The following MAP4K3 variants were observed in gnomAD, a reference collection of about 807,000 sequenced individuals.
MAP4K3 encodes the protein MAPK/ERK kinase kinase kinase 3.
A neutral mutation model predicts 143.5 loss-of-function variants in MAP4K3; 94 were observed. The observed-to-expected ratio is 0.65, with a 90% CI of 0.55 to 0.78. MAP4K3 has a LOEUF of 0.78. MAP4K3 is among the 30% of genes least tolerant of loss of function. MAP4K3 has a pLI of 0.00. For missense variants in MAP4K3, 1,077 were observed against 1,068.1 expected, an observed-to-expected ratio of 1.01 and a Z score of -0.12; for synonymous variants, 416 against 347.2, an observed-to-expected ratio of 1.20 and a Z score of -2.20.
At chr2:39,299,717 T>C (rs748168532) in intron 16 of MAP4K3, 26 bp downstream of exon 16, 3 of 1,391,212 alleles carry the variant, frequency 2.2e-6, no homozygotes, top group Non-Finnish European at 2.9e-6. Context: ...TGAATTTAAA[T>C]TAAGTTTTAA....
intron 12 of MAP4K3, among the ~76,000 whole-genome samples, chr2:39,321,434 A>G (rs1160299907): frequency 1.3e-5 from 2 of 152,158 alleles, no homozygotes; most frequent in Admixed American, 1.3e-4. Flanking sequence ...AATCTCAAGT[A>G]CCCAGGGACA....
chr2:39,331,881 GA>G, intron 8 of MAP4K3, 35 bp downstream of exon 8: 1 of 1,333,278 alleles, frequency 7.5e-7, no homozygotes, highest in South Asian at 1.4e-5. Context: ...AATAATGATA[GA>G]ACAAAGTATT....
intron 2 of MAP4K3, 35 bp from the exon 3 acceptor site, chr2:39,356,374 G>A: frequency 8.3e-7 from 1 of 1,204,364 alleles, no homozygotes; most frequent in East Asian, 2.4e-5. Flanking sequence ...AATATTTAGA[G>A]GTAAGTTTCA....
chr2:39,302,083 T>C (rs1327811805), intron 15 of MAP4K3, among the ~76,000 whole-genome samples: 1 of 151,842 alleles, frequency 6.6e-6, no homozygotes, highest in African/African-American at 2.4e-5. Context: ...TTCAGCAGTA[T>C]ATTTAGAAAG....
intron 22 of MAP4K3, among the ~76,000 whole-genome samples, chr2:39,281,565 G>A (rs1000859663): frequency 2.0e-5 from 3 of 151,942 alleles, no homozygotes; most frequent in Admixed American, 6.6e-5. Flanking sequence ...ATGACAAAAC[G>A]AAGAACAAAA....
chr2:39,373,070 A>C (rs1666124675), intron 2 of MAP4K3, among the ~76,000 whole-genome samples: 1 of 152,228 alleles, frequency 6.6e-6, no homozygotes, highest in South Asian at 2.1e-4. Flanking sequence ...AGATTATATA[A>C]GGAGCTCAAA....
At chr2:39,387,346 G>A (rs1044357374) in intron 1 of MAP4K3, among the ~76,000 whole-genome samples, 1 of 152,024 alleles carries the variant, frequency 6.6e-6, no homozygotes, top group Non-Finnish European at 1.5e-5. Flanking sequence ...TTACTATGTG[G>A]AGTCTTCCAA....
rs868866496 is a variant in MAP4K3, at chr2:39,287,972, T to C, written c.1474+149A>G. 36 of 875,080 alleles carry C rather than the reference T, an allele frequency of 4.1e-5. No individual in the cohort carries two copies. In the East Asian group the frequency reaches 8.0e-4, roughly 20 times the overall value. The allele number at this position is 875,080 out of a possible 1,614,324, so 54.2% of individuals were successfully genotyped here. A position where few individuals can be genotyped will look rare whatever the true frequency, so the allele number is the denominator to read the frequency against. On this transcript the variant is annotated intron_variant, in intron 20 of 33. Coordinates refer to ENST00000263881, the MANE Select transcript of MAP4K3 (RefSeq NM_003618.4). ...CTGTCATAAAAACACTTTAAGCTAGTAGGCAAAAAGCAGAAAACATCTCCA... is the reference window on the plus strand; with the variant it reads ...CTGTCATAAAAACACTTTAAGCTAGCAGGCAAAAAGCAGAAAACATCTCCA...
intron 29 of MAP4K3, among the ~76,000 whole-genome samples, chr2:39,260,186 T>A (rs1680510104): frequency 6.6e-6 from 1 of 152,212 alleles, no homozygotes; most frequent in Non-Finnish European, 1.5e-5. Context: ...CGAACATGGC[T>A]CACTGCACCC....
intron 27 of MAP4K3, among the ~76,000 whole-genome samples, chr2:39,265,855 T>C (rs1265069849): frequency 1.3e-5 from 2 of 152,166 alleles, no homozygotes; most frequent in Non-Finnish European, 2.9e-5. Context: ...AATAATAAAA[T>C]TGAATTACCT....
At chr2:39,371,416 T>C (rs970641096) in intron 2 of MAP4K3, among the ~76,000 whole-genome samples, 20 of 152,134 alleles carry the variant, frequency 1.3e-4, no homozygotes, top group African/African-American at 4.6e-4. Flanking sequence ...CAAGACTGCT[T>C]CTCTATGTCA....
Position 39,315,327 on chromosome 2 carries a change from G to C in MAP4K3, c.980C>G (p.Thr327Arg), listed in dbSNP as rs1462135341. Residue 327 changes from threonine to arginine, a missense_variant, in exon 13 of 34, where the codon ACA becomes AGA. Physicochemically the swap from Thr to Arg is moderately conservative, Grantham distance 71. Transcript: ENST00000263881. Reference protein sequence around the residue: ...STSRNVREEKTRSEITFGQVK... With the variant: ...STSRNVREEKRRSEITFGQVK... Reference sequence around the variant, plus strand: ...ATACTTACAGGTTATCTCTGAGCGTGTTTTTTCTTCTCTCACGTTTCTACT... The same window carrying C: ...ATACTTACAGGTTATCTCTGAGCGTCTTTTTTCTTCTCTCACGTTTCTACT... 1.2e-6 allele frequency: 2 copies of C among 1,609,250 alleles called. No individual in the cohort carries two copies.
chr2:39,337,498 G>C, intron 5 of MAP4K3, 28 bp downstream of exon 5: 1 of 1,572,048 alleles, frequency 6.4e-7, no homozygotes, highest in Non-Finnish European at 8.7e-7. Context: ...AATGAAAAAT[G>C]TTATTTTTGA....
chr2:39,280,675 T>C (rs1681478565), intron 22 of MAP4K3, among the ~76,000 whole-genome samples: 1 of 152,130 alleles, frequency 6.6e-6, no homozygotes. Context: ...ACATGCTCCA[T>C]GTCAAGAGCA....
intron 2 of MAP4K3, among the ~76,000 whole-genome samples, chr2:39,368,723 T>C (rs1418814509): frequency 1.3e-5 from 2 of 151,918 alleles, no homozygotes; most frequent in African/African-American, 4.8e-5. Context: ...AATAAAATAG[T>C]TCTAATTTTG....
intron 1 of MAP4K3, among the ~76,000 whole-genome samples, chr2:39,390,543 G>A (rs1316918613): frequency 1.3e-5 from 2 of 152,068 alleles, no homozygotes. Flanking sequence ...AGTCTAATAA[G>A]CGTGAAATGG....
chr2:39,420,086 C>CAG (rs1394691411), intron 1 of MAP4K3, among the ~76,000 whole-genome samples: 2 of 152,138 alleles, frequency 1.3e-5, no homozygotes, highest in Non-Finnish European at 2.9e-5. Flanking sequence ...GGCCTAGGGT[C>CAG]AGAGAGAGAT....
chr2:39,436,715 A>T (rs1665495279), intron 1 of MAP4K3, 177 bp downstream of exon 1: 2 of 600,914 alleles, frequency 3.3e-6, no homozygotes, highest in Non-Finnish European at 5.9e-6. Context: ...TCTCGGGGTT[A>T]AACATTCGGC....
intron 21 of MAP4K3, among the ~76,000 whole-genome samples, chr2:39,286,591 A>T (rs984406198): frequency 6.6e-6 from 1 of 152,254 alleles, no homozygotes; most frequent in Non-Finnish European, 1.5e-5. Context: ...TGTATAAAGA[A>T]GATGTTTTAT....
Sources: allele counts gnomAD v4.1 joint callset (sites outside exome capture counted in the v4.1 genomes callset), GRCh38; gene constraint gnomAD v4.1.1; transcripts MANE v1.5; gene names NCBI Gene and HGNC (gene_info 2026-07-23, HGNC 2026-07-21).